GRIP2: variants seen among roughly 807,000 people sequenced by gnomAD.
The protein encoded by GRIP2 is glutamate receptor-interacting protein 2.
GRIP2 carries 58 observed loss-of-function variants against 108.3 expected under a neutral mutation model. That is an observed-to-expected ratio of 0.54 (90% CI 0.43 to 0.67). The LOEUF (loss-of-function observed/expected upper bound fraction) is 0.67. Among genes scored for constraint, GRIP2 ranks in the 30% least tolerant of loss-of-function variants. The pLI is 0.00. For synonymous variants in GRIP2, 586 were observed against 598.2 expected, an observed-to-expected ratio of 0.98 and a Z score of 0.30; for missense variants, 1,278 against 1,430.6, an observed-to-expected ratio of 0.89 and a Z score of 1.72.
At chr3:14,582,699 C>G in the GRIP2 span, among the ~76,000 whole-genome samples, 1 of 152,212 alleles carries the variant, frequency 6.6e-6, no homozygotes, top group Admixed American at 6.5e-5. Flanking sequence ...CTGGCTCCTT[C>G]TCATCATTCA....
At chr3:14,592,806 C>G in the GRIP2 span, among the ~76,000 whole-genome samples, 21 of 152,128 alleles carry the variant, frequency 1.4e-4, no homozygotes, top group Non-Finnish European at 2.6e-4. Flanking sequence ...CCCAAAACCC[C>G]GTGATCCTTG....
chr3:14,502,705 A>C (rs1486371975), intron 21 of GRIP2, among the ~76,000 whole-genome samples: 2 of 152,328 alleles, frequency 1.3e-5, no homozygotes, highest in Non-Finnish European at 2.9e-5. Flanking sequence ...ATTCAAAAAC[A>C]AGAAAGACTG....
chr3:14,496,620 C>A, intron 21 of GRIP2, 60 bp from the exon 22 acceptor site: 1 of 1,548,978 alleles, frequency 6.5e-7, no homozygotes, highest in Non-Finnish European at 8.7e-7. Flanking sequence ...AGGCAGTCAG[C>A]ATCCACTGAC....
the GRIP2 span, among the ~76,000 whole-genome samples, chr3:14,563,547 C>T: frequency 1.3e-5 from 2 of 152,014 alleles, no homozygotes; most frequent in Non-Finnish European, 2.9e-5. Flanking sequence ...AATGCAGGGT[C>T]TCCTGAGGAT....
chr3:14,574,131 G>A, the GRIP2 span: 1 of 982,014 alleles, frequency 1.0e-6, no homozygotes, highest in African/African-American at 1.6e-5. Flanking sequence ...GAAGTCCACG[G>A]GCACGATGCC....
At position 14,525,526 on chromosome 3, in the gene GRIP2, G is replaced by A. The variant is rs373942219; in HGVS notation, c.168C>T (p.Gly56=). ...ITVVELIKKE[G]STLGLTISGG... is the part of the protein sequence containing the mutation. ...CTGAGATAGTCAGGCCCAGCGTGCT[G>A]CCTTCTTTCTTGATCAGCTCCACCA... The change falls in exon 3 of 24, where the codon GGC becomes GGT. Residue 56 remains glycine (G), a synonymous_variant. Transcript: ENST00000621039. 1.4e-5 allele frequency: 22 copies of A among 1,613,710 alleles called. No homozygotes were observed. The African/African-American group carries it at 2.8e-4, about 21-fold the overall frequency.
At position 14,496,454 on chromosome 3, in the gene GRIP2, TC is replaced by T; in HGVS notation, c.2785del (p.Glu929ArgfsTer14). 1 of 1,612,858 alleles carries T rather than the reference TC, an allele frequency of 6.2e-7. No homozygotes were observed. The highest frequency in any genetic ancestry group is 8.5e-7 in the Non-Finnish European group (1 of 1,179,420). On this transcript the variant is annotated frameshift_variant, in exon 22 of 24. Transcript: ENST00000621039. LOFTEE classifies it high-confidence loss of function. ...REVRASPAEM[E>X]ELLLPTPLEM... The stretch of plus-strand genomic sequence containing the variant: ...CAAGGGTGTAGGCAGCAACAGCTCC[TC>T]CATTTCTGCAGGAGAGGCTCGTACC...
Position 14,492,756 on chromosome 3 carries a change from T to G in GRIP2, c.*909A>C, listed in dbSNP as rs944003400. 2.0e-5 allele frequency: 3 copies of G among 152,214 alleles called. No homozygotes were observed. Among genetic ancestry groups the G allele is most frequent in the African/African-American group, 7.2e-5 (3 of 41,426 alleles). 9.4% of individuals were successfully genotyped at this position (152,214 alleles called of 1,614,324 possible). A position where few individuals can be genotyped will look rare whatever the true frequency, so the allele number is the denominator to read the frequency against. On this transcript the variant is annotated 3_prime_UTR_variant, in exon 24 of 24. Transcript: ENST00000621039. ...GGGTCTTTTGCCCCAAAATGACCCC[T>G]CCCACATGGAGGGGCTTGGGCTGAG...
At chr3:14,584,355 A>G in the GRIP2 span, among the ~76,000 whole-genome samples, 3 of 152,148 alleles carry the variant, frequency 2.0e-5, no homozygotes, top group Non-Finnish European at 2.9e-5. Flanking sequence ...CCATTCATCC[A>G]AGTCCTGAGT....
At chr3:14,524,162 G>C (rs968486573) in intron 4 of GRIP2, 3 of 583,672 alleles carry the variant, frequency 5.1e-6, no homozygotes, top group Non-Finnish European at 9.1e-6. Flanking sequence ...AAAGCATCTG[G>C]AGACTAAATA....
the GRIP2 span, among the ~76,000 whole-genome samples, chr3:14,591,598 A>G: frequency 1.3e-5 from 2 of 152,250 alleles, no homozygotes; most frequent in Non-Finnish European, 2.9e-5. Flanking sequence ...AATGGAATAA[A>G]GAATGACTAT....
the GRIP2 span, chr3:14,573,580 C>G: frequency 2.1e-6 from 3 of 1,440,390 alleles, 1 homozygote; most frequent in East Asian, 4.6e-5. Context: ...TCACAGTACT[C>G]CCGGGAGGTG....
the GRIP2 span, among the ~76,000 whole-genome samples, chr3:14,570,129 C>T: frequency 2.0e-5 from 3 of 152,140 alleles, no homozygotes; most frequent in South Asian, 2.1e-4. Flanking sequence ...AGGAAGGATG[C>T]GGGAAACATG....
the GRIP2 span, among the ~76,000 whole-genome samples, chr3:14,600,594 G>T: frequency 6.6e-6 from 1 of 152,130 alleles, no homozygotes. Context: ...GATGCCAGGT[G>T]GATGGCCCTG....
chr3:14,512,973 TCTC>T lies in GRIP2; in HGVS notation c.1640-119_1640-117del. 1.2e-6 allele frequency: 1 copy of T among 834,582 alleles called. No individual in the cohort carries two copies. The highest frequency in any genetic ancestry group is 1.5e-5 in the South Asian group (1 of 64,726). 51.7% of individuals were successfully genotyped at this position (834,582 alleles called of 1,614,324 possible). A position where few individuals can be genotyped will look rare whatever the true frequency, so the allele number is the denominator to read the frequency against. On this transcript the variant is annotated intron_variant, in intron 13 of 23. Transcript: ENST00000621039. The surrounding 1 kb of genome is among the most constrained non-coding windows in gnomAD (Gnocchi z 5.1). Reference sequence around the variant, plus strand: ...GTGACCCCGAAAGTCACAGTTCTAATCTCATCCCCCTGCTTCCTCTCAACAGAG... The same window carrying T: ...GTGACCCCGAAAGTCACAGTTCTAATATCCCCCTGCTTCCTCTCAACAGAG...
upstream of GRIP2, among the ~76,000 whole-genome samples, chr3:14,545,605 G>A (rs1347955085): frequency 2.6e-5 from 4 of 152,240 alleles, no homozygotes; most frequent in African/African-American, 9.6e-5. Context: ...CCCTCCTGGA[G>A]GACAGGACAT....
chr3:14,510,262 T>TTG (rs1559336932), intron 16 of GRIP2, among the ~76,000 whole-genome samples: 8 of 146,626 alleles, frequency 5.5e-5, no homozygotes, highest in Admixed American at 1.4e-4. Flanking sequence ...TCCGTTGTTT[T>TTG]TTTTTTTTTT....
the GRIP2 span, among the ~76,000 whole-genome samples, chr3:14,589,690 G>C: frequency 6.6e-6 from 1 of 151,652 alleles, no homozygotes; most frequent in African/African-American, 2.4e-5. Flanking sequence ...ACAGGTAACT[G>C]TCAAACTAAC....
At chr3:14,551,423 ACCT>A (rs1228381447) in intron 1 of GRIP2, among the ~76,000 whole-genome samples, 1 of 151,776 alleles carries the variant, frequency 6.6e-6, no homozygotes, top group Non-Finnish European at 1.5e-5. Context: ...CCTGGCTCAG[ACCT>A]CCCCAGGCCC....
Sources: gnomAD v4.1 joint callset for allele counts (sites outside exome capture counted in the v4.1 genomes callset) on GRCh38, gnomAD v4.1.1 for gene constraint, Gnocchi (gnomAD v3.1) non-coding constraint, MANE v1.5 for transcripts, NCBI Gene and HGNC (gene_info 2026-07-23, HGNC 2026-07-21) for gene names.